Variants in ADGRF5 observed in about 807,000 individuals in gnomAD.
ADGRF5 encodes the protein G-protein coupled receptor 116.
ADGRF5 carries 75 observed loss-of-function variants against 132.3 expected under a neutral mutation model. The ratio of observed to expected loss-of-function variants is 0.57; its 90% confidence interval spans 0.47 to 0.69. The LOEUF (loss-of-function observed/expected upper bound fraction) is 0.69, where lower values mean the gene tolerates loss of function less well. Among genes scored for constraint, ADGRF5 ranks in the 30% least tolerant of loss-of-function variants. ADGRF5 has a pLI of 0.00. For missense variants in ADGRF5, 1,516 were observed against 1,630.6 expected, an observed-to-expected ratio of 0.93 and a Z score of 1.21; for synonymous variants, 629 against 597.6, an observed-to-expected ratio of 1.05 and a Z score of -0.77.
chr6:46,885,615 T>C (rs1214188160), intron 4 of ADGRF5, among the ~76,000 whole-genome samples: 1 of 152,152 alleles, frequency 6.6e-6, no homozygotes, highest in Non-Finnish European at 1.5e-5. Context: ...ATGTACCACA[T>C]AAAAAGAAGG....
chr6:46,949,255 G>C (rs1332675625), intron 1 of ADGRF5, among the ~76,000 whole-genome samples: 2 of 152,218 alleles, frequency 1.3e-5, no homozygotes, highest in Non-Finnish European at 1.5e-5. Flanking sequence ...ATTGAAGAAA[G>C]CAAAGGCATG....
At chr6:46,943,538 C>A (rs1778178440) in intron 1 of ADGRF5, among the ~76,000 whole-genome samples, 1 of 152,138 alleles carries the variant, frequency 6.6e-6, no homozygotes, top group Admixed American at 6.5e-5. Context: ...TTGTTGAGGA[C>A]CACCTCCATC....
chr6:46,870,425 G>T (rs2150809443), intron 11 of ADGRF5, among the ~76,000 whole-genome samples: 3 of 152,256 alleles, frequency 2.0e-5, no homozygotes, highest in Middle Eastern at 6.8e-3. Context: ...CTCCCAAAGT[G>T]CTGGGATTAC....
In ADGRF5 at chr6:46,877,306, T is replaced by TCCTTCCTTCCTTCC. The variant is rs369575219; in HGVS notation, c.1240+895_1240+896insGGAAGGAAGGAAGG. Among the ~76,000 whole-genome samples, 427 of 77,092 alleles carry TCCTTCCTTCCTTCC rather than the reference T, an allele frequency of 5.5e-3. 9 individuals are homozygous for TCCTTCCTTCCTTCC. The highest frequency in any genetic ancestry group is 0.012 in the African/African-American group (216 of 17,650). 50.6% of individuals were successfully genotyped at this position (77,092 alleles called of 152,430 possible). ...TTCTTTCTTTCTCTCTCTCTCTCTC[T>TCCTTCCTTCCTTCC]TTCCTTCCTTCCTTCCTTCTTTCTT... On this transcript the variant is annotated intron_variant, in intron 10 of 20. Coordinates refer to ENST00000283296, the MANE Select transcript of ADGRF5 (RefSeq NM_001098518.2).
chr6:46,877,322 CTTCTTTCTTTCTTTCT>C (rs201240602), intron 10 of ADGRF5, among the ~76,000 whole-genome samples: 1,596 of 30,160 alleles, frequency 0.053, 65 homozygotes, highest in East Asian at 0.24. Flanking sequence ...TCCTTCCTTC[CTTCTTTCTTTCTTTCT>C]TTCTTTCTTT....
intron 1 of ADGRF5, among the ~76,000 whole-genome samples, chr6:46,909,426 T>C (rs930123763): frequency 3.3e-5 from 5 of 152,208 alleles, no homozygotes; most frequent in Admixed American, 2.0e-4. Flanking sequence ...GTATTAGCCT[T>C]GCGGCTCTGA....
At chr6:46,951,912 C>G (rs562580969) in intron 1 of ADGRF5, among the ~76,000 whole-genome samples, 5 of 152,174 alleles carry the variant, frequency 3.3e-5, no homozygotes, top group Admixed American at 2.0e-4. Context: ...AAGATCTCTT[C>G]GAGCTGGCTT....
chr6:46,859,105 G>T lies in ADGRF5; in HGVS notation c.2798C>A (p.Thr933Asn). 6.2e-7 allele frequency: 1 copy of T among 1,613,832 alleles called. No homozygotes were observed. The highest frequency in any genetic ancestry group is 8.5e-7 in the Non-Finnish European group (1 of 1,179,692). Residue 933 changes from threonine to asparagine, a missense_variant, in exon 17 of 21, where the codon ACT (threonine) becomes AAT (asparagine). This residue lies in a region of ADGRF5 where 571 missense variants were observed against 701.2 expected (regional missense o/e 0.81). Transcript: ENST00000283296. ...VMTTTVSHNT[T>N]MPFRISMTFK... ...AGTCATTGAAATCCTGAATGGCATA[G>T]TTGTATTGTGGCTGACAGTGGTTGT...
chr6:46,881,323 G>T, intron 8 of ADGRF5, 132 bp downstream of exon 8: 1 of 703,120 alleles, frequency 1.4e-6, no homozygotes, highest in East Asian at 2.6e-5. Flanking sequence ...ATAAGAGGAG[G>T]AGGTGGTACA....
At chr6:46,863,154 A>G (rs1247122743) in intron 14 of ADGRF5, 58 bp from the exon 15 acceptor site, 1 of 1,301,094 alleles carries the variant, frequency 7.7e-7, no homozygotes, top group South Asian at 1.2e-5. Context: ...ATATAGTAGA[A>G]ATACGGTCAG....
intron 3 of ADGRF5, among the ~76,000 whole-genome samples, chr6:46,889,552 A>ATG (rs1311137841): frequency 0.088 from 10,854 of 123,986 alleles, 1,304 homozygotes; most frequent in African/African-American, 0.27. Context: ...CTATATATAT[A>ATG]TGTGTGTGTG....
rs1773288448 is a variant in ADGRF5, at chr6:46,888,515, A to C, written c.158-10T>G. ...GGACTTTTTGTGGCAACTGCAATGA[A>C]AGCACATGAAGGCTGAGAGAACTTA... On this transcript the variant is annotated splice_polypyrimidine_tract_variant and intron_variant, in intron 3 of 20. Transcript: ENST00000283296. The C allele has an allele frequency of 6.3e-7, 1 of 1,598,246 alleles. No individual in the cohort carries two copies. Among genetic ancestry groups the C allele is most frequent in the African/African-American group, 1.3e-5 (1 of 74,916 alleles).
At position 46,866,914 on chromosome 6, in the gene ADGRF5, C is replaced by T. The variant is rs752107402; in HGVS notation, c.1834+11G>A. 2.6e-6 allele frequency: 4 copies of T among 1,528,922 alleles called. No homozygotes were observed. Among genetic ancestry groups the T allele is most frequent in the Non-Finnish European group, 3.6e-6 (4 of 1,102,262 alleles). 94.7% of individuals were successfully genotyped at this position (1,528,922 alleles called of 1,614,324 possible). ...TAATATACCCTAACAATTCAGCAAT[C>T]AGCATCTTACCAGCAGGAAGGGATG... On this transcript the variant is annotated intron_variant, in intron 13 of 20. Transcript: ENST00000283296.
At chr6:46,881,893 G>A (rs777813707) in intron 7 of ADGRF5, among the ~76,000 whole-genome samples, 156 bp downstream of exon 7, 9 of 151,988 alleles carry the variant, frequency 5.9e-5, no homozygotes, top group Non-Finnish European at 1.2e-4. Context: ...TTTTAAACAG[G>A]TACATCTGTA....
At chr6:46,885,726 T>C (rs1445780327) in intron 4 of ADGRF5, among the ~76,000 whole-genome samples, 1 of 152,198 alleles carries the variant, frequency 6.6e-6, no homozygotes, top group Non-Finnish European at 1.5e-5. Flanking sequence ...ACATGTTAAA[T>C]GCTGCAGGAT....
At chr6:46,925,327 T>C (rs918542651), upstream of ADGRF5, among the ~76,000 whole-genome samples, 1 of 152,222 alleles carries the variant, frequency 6.6e-6, no homozygotes, top group Non-Finnish European at 1.5e-5. Flanking sequence ...TAGTGAGGCC[T>C]TCATTGACAG....
Position 46,882,083 on chromosome 6 carries a change from G to A in ADGRF5, c.637C>T (p.Pro213Ser). ...TAFRKGYGIL[P>S]GFKGVTVTGF... Reference sequence around the variant, plus strand: ...GTCACAGTCACGCCCTTGAAGCCTGGTAAAATTCCGTAACCCTTCCGGAAC... The same window carrying A: ...GTCACAGTCACGCCCTTGAAGCCTGATAAAATTCCGTAACCCTTCCGGAAC... Residue 213 changes from proline to serine, a missense_variant, in exon 7 of 21, where the codon CCA becomes TCA. Around this residue, in one of 2 missense-constraint regions of ADGRF5, gnomAD observed 945 missense variants for 929.4 expected, o/e 1.02. Coordinates refer to ENST00000283296, the MANE Select transcript of ADGRF5 (RefSeq NM_001098518.2). 6.2e-7 allele frequency: 1 copy of A among 1,611,356 alleles called. No homozygotes were observed. Among genetic ancestry groups the A allele is most frequent in the Non-Finnish European group, 8.5e-7 (1 of 1,177,658 alleles).
chr6:46,941,470 G>A (rs867111167), intron 1 of ADGRF5, among the ~76,000 whole-genome samples: 16 of 107,942 alleles, frequency 1.5e-4, no homozygotes, highest in South Asian at 9.9e-4. Flanking sequence ...AGAAAAGAAA[G>A]AAAAGAAAAG....
intron 1 of ADGRF5, among the ~76,000 whole-genome samples, chr6:46,917,410 C>A (rs1328744661): frequency 1.3e-5 from 2 of 152,178 alleles, no homozygotes; most frequent in Non-Finnish European, 2.9e-5. Flanking sequence ...GGCATATGGA[C>A]TCTGAAGTCA....
Sources: allele counts gnomAD v4.1 joint callset (sites outside exome capture counted in the v4.1 genomes callset), GRCh38; gene constraint gnomAD v4.1.1; regional missense constraint gnomAD v4.1.1; transcripts MANE v1.5; gene names NCBI Gene and HGNC (gene_info 2026-07-23, HGNC 2026-07-21).